The following BEND7 variants were observed in gnomAD, a reference collection of about 807,000 sequenced individuals.
BEND7 encodes BEN domain containing 7, also known as BEN domain-containing protein 7.
Under a neutral mutation model 50.9 loss-of-function variants are expected in BEND7, and 28 were observed. That is an observed-to-expected ratio of 0.55 (90% CI 0.41 to 0.75). The LOEUF (loss-of-function observed/expected upper bound fraction) is 0.75, where lower values mean the gene tolerates loss of function less well. Ranked by LOEUF, BEND7 falls within the 30% of genes least tolerant of loss-of-function variation. The pLI is 0.00. For missense variants in BEND7, 477 were observed against 491.3 expected (o/e 0.97, Z 0.28); for synonymous variants, 170 against 183.9 (o/e 0.92, Z 0.61).
intron 6 of BEND7, among the ~76,000 whole-genome samples, chr10:13,474,006 G>A (rs1307695422): frequency 6.6e-6 from 1 of 150,874 alleles, no homozygotes; most frequent in Non-Finnish European, 1.5e-5. Context: ...GCTGATATCT[G>A]TCATTGCTGT....
At chr10:13,458,711 T>C (rs916887112) in intron 6 of BEND7, among the ~76,000 whole-genome samples, 2 of 152,150 alleles carry the variant, frequency 1.3e-5, no homozygotes, top group Non-Finnish European at 2.9e-5. Flanking sequence ...CAAGGGACAA[T>C]AGTCTCTGCT....
chr10:13,499,733 A>G (rs374950303), intron 3 of BEND7, 45 bp downstream of exon 3: 1 of 1,554,260 alleles, frequency 6.4e-7, no homozygotes, highest in Non-Finnish European at 8.7e-7. Flanking sequence ...ATAGAACAGT[A>G]CAAACCCCCA....
intron 6 of BEND7, among the ~76,000 whole-genome samples, chr10:13,474,879 A>C (rs1474994240): frequency 1.3e-5 from 2 of 152,238 alleles, no homozygotes; most frequent in Non-Finnish European, 2.9e-5. Flanking sequence ...TGTTGGACTC[A>C]GGAGCTCTGA....
At chr10:13,504,218 T>C (rs2077700028) in intron 2 of BEND7, among the ~76,000 whole-genome samples, 1 of 152,160 alleles carries the variant, frequency 6.6e-6, no homozygotes, top group Non-Finnish European at 1.5e-5. Flanking sequence ...TGTGGTGCAG[T>C]GTTAGTGTGG....
rs569188016 is a variant in BEND7 at position 13,491,248 on chromosome 10, G to A, written c.837+1363C>T. Among the ~76,000 whole-genome samples the A allele has an allele frequency of 3.3e-5, 5 of 151,228 alleles. No homozygotes were observed. In the South Asian group the frequency reaches 1.1e-3, roughly 32 times the overall value. Reference sequence around the variant, plus strand: ...GAATTGCTTGAACCCAAGAGGCGGAGGTTGCAGTGAGTGGAGATCATGCCA... The same window carrying A: ...GAATTGCTTGAACCCAAGAGGCGGAAGTTGCAGTGAGTGGAGATCATGCCA... On this transcript the variant is annotated intron_variant, in intron 5 of 8. Coordinates refer to ENST00000466271, the MANE Select transcript of BEND7 (RefSeq NM_001369863.1).
chr10:13,455,408 G>A (rs1838728546), intron 6 of BEND7, among the ~76,000 whole-genome samples: 1 of 152,074 alleles, frequency 6.6e-6, no homozygotes, highest in Non-Finnish European at 1.5e-5. Context: ...AAAAAGGAGG[G>A]ACCAGCACGC....
Position 13,481,256 on chromosome 10 carries a change from C to G in BEND7, c.838-132G>C, listed in dbSNP as rs2075833935. On this transcript the variant is annotated intron_variant, in intron 5 of 8. Coordinates refer to ENST00000466271, the MANE Select transcript of BEND7 (RefSeq NM_001369863.1). ...TACAAATGAAAACACTCTTGGCTTT[C>G]TTTGTCTGCCAGGATCTGCTATTTA... The G allele has an allele frequency of 6.1e-6, 5 of 824,728 alleles. No individual in the cohort carries two copies. The South Asian group carries it at 9.4e-5, about 16-fold the overall frequency. The allele number at this position is 824,728 out of a possible 1,614,324, so 51.1% of individuals were successfully genotyped here.
intron 5 of BEND7, among the ~76,000 whole-genome samples, chr10:13,484,925 T>C (rs944153884): frequency 4.6e-5 from 7 of 152,220 alleles, no homozygotes; most frequent in African/African-American, 1.7e-4. Flanking sequence ...AAACACTGCA[T>C]ACACAGTCAC....
rs986131063 is a variant in BEND7, at chr10:13,514,323, C to A, written c.145+11815G>T. The stretch of plus-strand genomic sequence containing the variant: ...GAAAGCTGACGGAAAACCACCACCA[C>A]TGATGTGCAAGAGATAAACCCACAT... On this transcript the variant is annotated intron_variant, in intron 2 of 8. Transcript: ENST00000466271. Among the ~76,000 whole-genome samples the A allele has an allele frequency of 3.3e-5, 5 of 152,230 alleles. No individual in the cohort carries two copies. The East Asian group carries it at 9.6e-4, about 29-fold the overall frequency.
At chr10:13,503,232 G>A (rs546716532) in intron 2 of BEND7, among the ~76,000 whole-genome samples, 7 of 152,302 alleles carry the variant, frequency 4.6e-5, no homozygotes, top group South Asian at 2.1e-4. Flanking sequence ...TGCGCCTGCC[G>A]TGTGCAGAAA....
chr10:13,465,428 CGT>C (rs2074134936), intron 6 of BEND7, among the ~76,000 whole-genome samples: 1 of 152,134 alleles, frequency 6.6e-6, no homozygotes, highest in Non-Finnish European at 1.5e-5. Flanking sequence ...GGCAGTCAGT[CGT>C]ACAAGACACA....
intron 2 of BEND7, among the ~76,000 whole-genome samples, chr10:13,512,822 T>C (rs2078371893): frequency 6.6e-6 from 1 of 152,236 alleles, no homozygotes; most frequent in Non-Finnish European, 1.5e-5. Context: ...ACATTCACAA[T>C]GGCTTTTTCT....
chr10:13,486,298 G>C (rs1472974122), intron 5 of BEND7, among the ~76,000 whole-genome samples: 1 of 152,222 alleles, frequency 6.6e-6, no homozygotes, highest in Non-Finnish European at 1.5e-5. Flanking sequence ...CAAAGTGCTG[G>C]GATTATAGGC....
At chr10:13,464,601 G>A (rs998361568) in intron 6 of BEND7, among the ~76,000 whole-genome samples, 5 of 151,780 alleles carry the variant, frequency 3.3e-5, no homozygotes, top group Non-Finnish European at 4.4e-5. Context: ...GGGATATGAA[G>A]TAAATTATTA....
intron 5 of BEND7, among the ~76,000 whole-genome samples, chr10:13,488,837 T>C (rs2076445946): frequency 6.6e-6 from 1 of 152,208 alleles, no homozygotes; most frequent in African/African-American, 2.4e-5. Flanking sequence ...TGCTTCTGTG[T>C]ATAGTTGAGG....
At chr10:13,496,674 G>A in intron 4 of BEND7, 92 bp downstream of exon 4, 1 of 1,405,692 alleles carries the variant, frequency 7.1e-7, no homozygotes, top group Admixed American at 2.2e-5. Flanking sequence ...GTGAGAAGAA[G>A]GCTTTAATAA....
At chr10:13,484,235 G>A (rs1231613337) in intron 5 of BEND7, among the ~76,000 whole-genome samples, 1 of 152,210 alleles carries the variant, frequency 6.6e-6, no homozygotes, top group Non-Finnish European at 1.5e-5. Flanking sequence ...GAGTGAACAA[G>A]CGCCAATGCT....
chr10:13,454,272 C>T (rs1838430790), intron 6 of BEND7, among the ~76,000 whole-genome samples: 1 of 152,120 alleles, frequency 6.6e-6, no homozygotes. Context: ...AGTCCTGGTT[C>T]CAGGACCCCC....
chr10:13,458,296 G>A (rs12257359), intron 6 of BEND7, among the ~76,000 whole-genome samples: 3 of 152,226 alleles, frequency 2.0e-5, no homozygotes, highest in Admixed American at 1.3e-4. Context: ...AGCGCGTGGC[G>A]TGTCTGACAT....
Sources: gnomAD v4.1 joint callset for allele counts (sites outside exome capture counted in the v4.1 genomes callset) on GRCh38, gnomAD v4.1.1 for gene constraint, MANE v1.5 for transcripts, NCBI Gene and HGNC (gene_info 2026-07-23, HGNC 2026-07-21) for gene names.